Variants in LTBP2 observed in about 807,000 individuals in gnomAD.
LTBP2 encodes latent transforming growth factor beta binding protein 2.
In LTBP2, 103 loss-of-function variants were observed where a neutral mutation model predicts 210.6. That is an observed-to-expected ratio of 0.49 (90% CI 0.42 to 0.58). The LOEUF is 0.58. Among genes scored for constraint, LTBP2 ranks in the 20% least tolerant of loss-of-function variants. The pLI is 0.00. For missense variants in LTBP2, 2,313 were observed against 2,494.5 expected (o/e 0.93, Z 1.55); for synonymous variants, 1,007 against 1,015.0 (o/e 0.99, Z 0.15).
At chr14:74,581,085 C>T (rs747669527) in intron 3 of LTBP2, among the ~76,000 whole-genome samples, 52 of 152,306 alleles carry the variant, frequency 3.4e-4, no homozygotes, top group South Asian at 8.3e-4. Context: ...AGGATGAACA[C>T]GGGCTGTGAG....
At chr14:74,567,126 C>A (rs11622806) in intron 3 of LTBP2, among the ~76,000 whole-genome samples, 53,788 of 152,068 alleles carry the variant, frequency 0.35, 12,200 homozygotes, top group Non-Finnish European at 0.51. Flanking sequence ...CTCTGCGTGT[C>A]GGGGTTAATG....
intron 12 of LTBP2, among the ~76,000 whole-genome samples, chr14:74,528,220 G>T (rs75531617): frequency 6.6e-5 from 10 of 152,202 alleles, no homozygotes; most frequent in Admixed American, 6.5e-4. Context: ...TCGCTGGGGT[G>T]GGGGCTGCGG....
intron 18 of LTBP2, among the ~76,000 whole-genome samples, chr14:74,513,803 T>TCAAA (rs33944266): frequency 9.9e-5 from 15 of 151,014 alleles, no homozygotes; most frequent in Non-Finnish European, 1.9e-4. Context: ...AGACTCTGTC[T>TCAAA]CAAACAAACA....
chr14:74,551,266 C>G lies in LTBP2; in HGVS notation c.1484G>C (p.Arg495Pro). The G allele has an allele frequency of 6.2e-7, 1 of 1,609,552 alleles. No homozygotes were observed. The highest frequency in any genetic ancestry group is 8.5e-7 in the Non-Finnish European group (1 of 1,178,244). ...SVQIHQVAQV[R>P]GGVEEALVEN... ...CACTAGGGCCTCCTCCACCCCGCCC[C>G]GCACCTGGGCCACCTGGTGGATCTG... The change falls in exon 7 of 36, where the codon CGG becomes CCG. Residue 495 changes from arginine to proline, a missense_variant. Coordinates refer to ENST00000261978, the MANE Select transcript of LTBP2 (RefSeq NM_000428.3).
At position 74,611,588 on chromosome 14, in the gene LTBP2, C is replaced by T. The variant is rs1430081374; in HGVS notation, c.357G>A (p.Ala119=). The change falls in exon 1 of 36, where the codon GCG becomes GCA. Residue 119 remains alanine, a synonymous_variant. Coordinates refer to ENST00000261978, the MANE Select transcript of LTBP2 (RefSeq NM_000428.3). ...AQQSRRVQPP[A]QTRRSTPLGQ... ...CCAGGGGAGTGCTTCTCCGGGTCTG[C>T]GCAGGTGGCTGGACACGCCGCGACT... 2 of 1,575,488 alleles carry T rather than the reference C, an allele frequency of 1.3e-6. No individual in the cohort carries two copies.
At chr14:74,506,581 C>G in intron 27 of LTBP2, 117 bp downstream of exon 27, 1 of 1,511,196 alleles carries the variant, frequency 6.6e-7, no homozygotes, top group Non-Finnish European at 9.1e-7. Context: ...TGAAGCCTCC[C>G]TTGCCCATGC....
rs370440316 is a variant in LTBP2, at chr14:74,509,728, G to T, written c.3277+6C>A. On this transcript the variant is annotated splice_donor_region_variant and intron_variant, in intron 21 of 35. Coordinates refer to ENST00000261978, the MANE Select transcript of LTBP2 (RefSeq NM_000428.3). Reference sequence around the variant, plus strand: ...TCCCCTTCCACCACTGCCTCCCCAGGGTTACCTTCACAGGCAGTGCCGTCT... The same window carrying T: ...TCCCCTTCCACCACTGCCTCCCCAGTGTTACCTTCACAGGCAGTGCCGTCT... 8.1e-6 allele frequency: 13 copies of T among 1,613,884 alleles called. No homozygotes were observed. In the East Asian group the frequency reaches 1.8e-4, roughly 22 times the overall value.
At chr14:74,501,740 T>C in intron 34 of LTBP2, 150 bp from the exon 35 acceptor site, 1 of 943,434 alleles carries the variant, frequency 1.1e-6, no homozygotes, top group Non-Finnish European at 1.6e-6. Context: ...TGTGGAAAGA[T>C]GCTAGAACAA....
At chr14:74,611,059 T>A (rs1027779122) in intron 1 of LTBP2, among the ~76,000 whole-genome samples, 5 of 152,138 alleles carry the variant, frequency 3.3e-5, no homozygotes, top group African/African-American at 1.2e-4. Flanking sequence ...CAACCTCCCC[T>A]GGGCGTCAAG....
At chr14:74,543,711 T>G (rs7140170) in intron 8 of LTBP2, among the ~76,000 whole-genome samples, 142,303 of 152,136 alleles carry the variant, frequency 0.94, 66,744 homozygotes, top group Non-Finnish European at 0.98. Flanking sequence ...ATGGGGTTAT[T>G]ATGAACATGA....
rs202229039 is a variant in LTBP2, at chr14:74,503,334, G to A, written c.4773C>T (p.Thr1591=). 3.3e-5 allele frequency: 53 copies of A among 1,613,892 alleles called. No homozygotes were observed. In the East Asian group the frequency reaches 8.5e-4, roughly 26 times the overall value. ...GCAGGGGTTCGCTGCACACATCATTGGTGACTTTTTTCCAGCAGATGTCCA... is the reference window on the plus strand; with the variant it reads ...GCAGGGGTTCGCTGCACACATCATTAGTGACTTTTTTCCAGCAGATGTCCA... ...IHMDICWKKV[T]NDVCSEPLRG... is the part of the protein sequence containing the mutation. The change falls in exon 33 of 36, where the codon ACC becomes ACT. Residue 1591 remains threonine (T), a synonymous_variant. Coordinates refer to ENST00000261978, the MANE Select transcript of LTBP2 (RefSeq NM_000428.3).
At chr14:74,568,974 C>T (rs1168554607) in intron 3 of LTBP2, among the ~76,000 whole-genome samples, 1 of 152,104 alleles carries the variant, frequency 6.6e-6, no homozygotes, top group African/African-American at 2.4e-5. Context: ...CCCCTACCTA[C>T]CCCTATTACC....
chr14:74,559,901 A>T (rs2087772534), intron 3 of LTBP2: 1 of 152,208 alleles, frequency 6.6e-6, no homozygotes, highest in East Asian at 1.9e-4. Context: ...GAAGGTGACC[A>T]CAGCCCCCAG....
chr14:74,522,222 G>T (rs576609038), intron 16 of LTBP2, among the ~76,000 whole-genome samples, 183 bp from the exon 17 acceptor site: 1 of 152,206 alleles, frequency 6.6e-6, no homozygotes, highest in Admixed American at 6.5e-5. Flanking sequence ...CAGCCCAGTG[G>T]GCCCACTCAG....
At chr14:74,512,053 G>C (rs1214670425) in intron 18 of LTBP2, among the ~76,000 whole-genome samples, 1 of 152,218 alleles carries the variant, frequency 6.6e-6, no homozygotes, top group African/African-American at 2.4e-5. Context: ...GGGGACGAGA[G>C]GACCCAGGAA....
At chr14:74,525,419 C>T (rs1476805954) in intron 14 of LTBP2, among the ~76,000 whole-genome samples, 194 bp from the exon 15 acceptor site, 1 of 152,202 alleles carries the variant, frequency 6.6e-6, no homozygotes, top group East Asian at 1.9e-4. Context: ...CGTTGGAGCA[C>T]ATCCAGTCTA....
Position 74,522,746 on chromosome 14 carries a change from T to A in LTBP2, c.2659+44A>T, listed in dbSNP as rs769476973. On this transcript the variant is annotated intron_variant, in intron 16 of 35. Transcript: ENST00000261978. Reference sequence around the variant, plus strand: ...CTCGGCCTCTTAGCCCCTGCTCCCATCTACCCCAGCCGCCAAGTAAGCCCA... The same window carrying A: ...CTCGGCCTCTTAGCCCCTGCTCCCAACTACCCCAGCCGCCAAGTAAGCCCA... The A allele has an allele frequency of 2.3e-5, 37 of 1,586,580 alleles. No homozygotes were observed. The African/African-American group carries it at 5.0e-4, about 21-fold the overall frequency.
intron 2 of LTBP2, among the ~76,000 whole-genome samples, chr14:74,591,188 A>G (rs891924047): frequency 7.2e-5 from 11 of 152,278 alleles, no homozygotes; most frequent in African/African-American, 2.6e-4. Context: ...AAAGGTGAAC[A>G]AGACTGGGCC....
chr14:74,532,454 C>A lies in LTBP2; in HGVS notation c.1959G>T (p.Met653Ile), dbSNP rs778122849. The A allele has an allele frequency of 1.2e-6, 2 of 1,614,188 alleles. No individual in the cohort carries two copies. Among genetic ancestry groups the A allele is most frequent in the Admixed American group, 3.3e-5 (2 of 60,030 alleles). ...CACAGCGGCTCCGCGATGGATCCAG[C>A]ATGAGGCCAGGTCTGCATGTGCACA... Reference protein sequence around the residue: ...SYLCTCRPGLMLDPSRSRCVS... With the variant: ...SYLCTCRPGLILDPSRSRCVS... Residue 653 changes from methionine (M) to isoleucine (I), a missense_variant, in exon 10 of 36, where the codon ATG (methionine) becomes ATT (isoleucine). By Grantham distance (10) the Met-to-Ile change is conservative. Coordinates refer to ENST00000261978, the MANE Select transcript of LTBP2 (RefSeq NM_000428.3).
Sources: allele counts gnomAD v4.1 joint callset (sites outside exome capture counted in the v4.1 genomes callset), GRCh38; gene constraint gnomAD v4.1.1; transcripts MANE v1.5; gene names NCBI Gene and HGNC (gene_info 2026-07-23, HGNC 2026-07-21).